PIGL: variants seen among roughly 807,000 people sequenced by gnomAD.
The protein encoded by PIGL is N-acetylglucosaminyl-phosphatidylinositol de-N-acetylase.
A neutral mutation model predicts 31.1 loss-of-function variants in PIGL; 22 were observed. The ratio of observed to expected loss-of-function variants is 0.71; its 90% CI spans 0.51 to 1.01. The LOEUF is 1.01. PIGL is among the 50% of genes least tolerant of loss of function. The pLI, the probability that PIGL is intolerant of heterozygous loss-of-function variation, is 0.00. For missense variants in PIGL, 302 were observed against 315.9 expected, an observed-to-expected ratio of 0.96 and a Z score of 0.33; for synonymous variants, 131 against 117.4, an observed-to-expected ratio of 1.12 and a Z score of -0.75.
rs763742203 is a variant in PIGL at position 16,317,769 on chromosome 17, A to G, written c.527-6A>G. The G allele has an allele frequency of 6.2e-7, 1 of 1,613,766 alleles. No individual in the cohort carries two copies. On this transcript the variant is annotated splice_polypyrimidine_tract_variant and splice_region_variant and intron_variant, in intron 5 of 6. Transcript: ENST00000225609. ...TATCACTTCACCCTGTCTCCTCTCC[A>G]TCCAGGGTGCTCTGTGCTCACGCTT... is the stretch of plus-strand genomic sequence containing the variant.
In PIGL at chr17:16,233,998, G is replaced by GT. The variant is rs2092689433; in HGVS notation, c.264dup (p.Lys89Ter). The stretch of plus-strand genomic sequence containing the variant: ...AATTACTACAATCAAGGAGAGACTC[G>GT]TAAGAAAGAACTTTTGCAGAGCTGT... On this transcript the variant is annotated frameshift_variant, in exon 2 of 7. Transcript: ENST00000225609. LOFTEE classifies it high-confidence loss of function. 1 of 1,608,688 alleles carries GT rather than the reference G, an allele frequency of 6.2e-7. No individual in the cohort carries two copies. The highest frequency in any genetic ancestry group is 1.3e-5 in the African/African-American group (1 of 74,860).
intron 2 of PIGL, among the ~76,000 whole-genome samples, chr17:16,252,072 T>C (rs1056115427): frequency 6.7e-6 from 1 of 150,240 alleles, no homozygotes; most frequent in Non-Finnish European, 1.5e-5. Context: ...TTTCCTTTTT[T>C]TTTTTTTCTT....
chr17:16,320,934 C>CCT (rs1568848787), intron 6 of PIGL, among the ~76,000 whole-genome samples: 1 of 121,410 alleles, frequency 8.2e-6, no homozygotes, highest in Non-Finnish European at 1.8e-5. Flanking sequence ...TGTGCCTGGC[C>CCT]ATTTTTTTTT....
At chr17:16,247,307 G>A (rs931293983) in intron 2 of PIGL, among the ~76,000 whole-genome samples, 2 of 152,094 alleles carry the variant, frequency 1.3e-5, no homozygotes, top group East Asian at 3.8e-4. Context: ...CTTATTTCAT[G>A]CAAAATACAT....
At chr17:16,222,356 TTGC>T (rs2092633274) in intron 1 of PIGL, among the ~76,000 whole-genome samples, 1 of 151,938 alleles carries the variant, frequency 6.6e-6, no homozygotes, top group African/African-American at 2.4e-5. Flanking sequence ...ACTCTTGGAT[TTGC>T]ATGAATAATT....
intron 3 of PIGL, among the ~76,000 whole-genome samples, chr17:16,305,618 T>C (rs1209158334): frequency 6.6e-6 from 1 of 152,070 alleles, no homozygotes; most frequent in East Asian, 1.9e-4. Flanking sequence ...GACTGGAGAA[T>C]TTCAAAAGTG....
chr17:16,228,485 CTT>C (rs1568779270), intron 1 of PIGL, among the ~76,000 whole-genome samples: 20 of 151,192 alleles, frequency 1.3e-4, no homozygotes, highest in Admixed American at 1.1e-3. Flanking sequence ...CCCGGGTTTA[CTT>C]ACACCATTCT....
chr17:16,298,568 C>T (rs1179812403), intron 2 of PIGL, among the ~76,000 whole-genome samples: 1 of 152,204 alleles, frequency 6.6e-6, no homozygotes. Context: ...GAAGTTTATT[C>T]TGGTAAAGAC....
intron 2 of PIGL, among the ~76,000 whole-genome samples, chr17:16,284,306 G>A (rs1041217190): frequency 6.6e-6 from 1 of 152,034 alleles, no homozygotes; most frequent in African/African-American, 2.4e-5. Context: ...CAGGTTCAAG[G>A]CCGGGAAATC....
Position 16,325,873 on chromosome 17 carries a change from G to A in PIGL, c.734G>A (p.Arg245Lys), listed in dbSNP as rs1040922241. 18 of 1,613,586 alleles carry A rather than the reference G, an allele frequency of 1.1e-5. No homozygotes were observed. The highest frequency in any genetic ancestry group is 1.5e-5 in the Non-Finnish European group (18 of 1,179,654). Residue 245 changes from arginine (R) to lysine (K), a missense_variant, in exon 7 of 7, where the codon AGA becomes AAA. Coordinates refer to ENST00000225609, the MANE Select transcript of PIGL (RefSeq NM_004278.4). ...TACATTATCTTCTCCCGGTACATGAGAATCAACTCACTGAGCTTCCTCTGA... is the reference window on the plus strand; with the variant it reads ...TACATTATCTTCTCCCGGTACATGAAAATCAACTCACTGAGCTTCCTCTGA... The part of the protein sequence containing the change: ...RLYIIFSRYM[R>K]INSLSFL
intron 3 of PIGL, among the ~76,000 whole-genome samples, chr17:16,309,858 A>G (rs2093041335): frequency 6.6e-6 from 1 of 152,204 alleles, no homozygotes; most frequent in Admixed American, 6.5e-5. Context: ...GCAAGCGGAT[A>G]ACTTTAGTCA....
At chr17:16,263,406 A>T (rs2092827337) in intron 2 of PIGL, among the ~76,000 whole-genome samples, 2 of 151,900 alleles carry the variant, frequency 1.3e-5, no homozygotes, top group African/African-American at 4.8e-5. Flanking sequence ...TCTCAAACTC[A>T]TGACTGCAAG....
intron 1 of PIGL, among the ~76,000 whole-genome samples, chr17:16,229,481 C>CTTTT (rs71353784): frequency 9.7e-4 from 111 of 114,196 alleles, no homozygotes; most frequent in African/African-American, 3.5e-3. Context: ...ACCGGTTTTC[C>CTTTT]TTTTTTTTTT....
intron 2 of PIGL, among the ~76,000 whole-genome samples, chr17:16,285,695 C>G (rs1398796591): frequency 6.6e-6 from 1 of 152,214 alleles, no homozygotes; most frequent in African/African-American, 2.4e-5. Context: ...CTTATCACAG[C>G]AGATACTTAA....
chr17:16,290,672 C>T (rs1210276192), intron 2 of PIGL, among the ~76,000 whole-genome samples: 4 of 152,156 alleles, frequency 2.6e-5, no homozygotes, highest in Non-Finnish European at 4.4e-5. Context: ...GCATGAGCTA[C>T]TGCGCCCAGC....
chr17:16,225,383 C>CTTT (rs948575134), intron 1 of PIGL, among the ~76,000 whole-genome samples: 103 of 97,524 alleles, frequency 1.1e-3, no homozygotes, highest in Non-Finnish European at 1.3e-3. Context: ...AAGCACGTTT[C>CTTT]TTTTTTTTTT....
intron 2 of PIGL, among the ~76,000 whole-genome samples, chr17:16,274,230 A>G (rs1208288602): frequency 6.6e-6 from 1 of 152,166 alleles, no homozygotes; most frequent in Non-Finnish European, 1.5e-5. Flanking sequence ...TGTAGGAGAT[A>G]AGAGTGAAAC....
chr17:16,240,899 G>A (rs1345638760), intron 2 of PIGL, among the ~76,000 whole-genome samples: 1 of 151,678 alleles, frequency 6.6e-6, no homozygotes, highest in Non-Finnish European at 1.5e-5. Flanking sequence ...CAGATCACCT[G>A]AGGTCGGGAG....
intron 2 of PIGL, among the ~76,000 whole-genome samples, chr17:16,234,847 T>C (rs898904308): frequency 1.3e-5 from 2 of 152,232 alleles, no homozygotes; most frequent in African/African-American, 4.8e-5. Context: ...TGTTCGGATT[T>C]TTTTTCCTGA....
Sources: gnomAD v4.1 joint callset for allele counts (sites outside exome capture counted in the v4.1 genomes callset) on GRCh38, gnomAD v4.1.1 for gene constraint, MANE v1.5 for transcripts, NCBI Gene and HGNC (gene_info 2026-07-23, HGNC 2026-07-21) for gene names.